DBR1: variants seen among roughly 807,000 people sequenced by gnomAD.
DBR1 encodes lariat debranching enzyme.
A neutral mutation model predicts 45.9 loss-of-function variants in DBR1; 33 were observed. That is an observed-to-expected ratio of 0.72 (90% CI 0.55 to 0.96). The LOEUF (loss-of-function observed/expected upper bound fraction) is 0.96. Ranked by LOEUF, DBR1 falls within the 40% of genes least tolerant of loss-of-function variation. The pLI, the probability that DBR1 is intolerant of heterozygous loss-of-function variation, is 0.00. For missense variants in DBR1, 619 were observed against 667.4 expected (o/e 0.93, Z 0.80); for synonymous variants, 235 against 235.9 (o/e 1.00, Z 0.04).
chr3:138,166,866 C>A (rs1364766374), intron 5 of DBR1, among the ~76,000 whole-genome samples: 1 of 152,202 alleles, frequency 6.6e-6, no homozygotes, highest in Non-Finnish European at 1.5e-5. Context: ...TGTTCCCATC[C>A]CACCACAGTC....
intron 1 of DBR1, 30 bp downstream of exon 1, chr3:138,174,569 C>CCCCCCAGT: frequency 6.4e-7 from 1 of 1,564,830 alleles, no homozygotes; most frequent in Non-Finnish European, 8.7e-7. Context: ...ACCCCCCCAC[C>CCCCCCAGT]GCCAAGTCCG....
In DBR1 at chr3:138,161,893, G is replaced by C. The variant is rs140755249; in HGVS notation, c.1631C>G (p.Ala544Gly). The part of the protein sequence containing the change: ...AAVDDDDDDA[A>G] ...AAACAAAACAAGTAAATCATCTTAA[G>C]CTGCATCGTCATCATCATCATCCAC... The change falls in exon 8 of 8, where the codon GCT becomes GGT. Residue 544 changes from alanine (A) to glycine (G), a missense_variant. Coordinates refer to ENST00000260803, the MANE Select transcript of DBR1 (RefSeq NM_016216.4). The C allele has an allele frequency of 3.1e-6, 5 of 1,607,700 alleles. No individual in the cohort carries two copies. The highest frequency in any genetic ancestry group is 4.3e-6 in the Non-Finnish European group (5 of 1,174,340).
chr3:138,166,965 G>T, intron 5 of DBR1, 116 bp downstream of exon 5: 1 of 874,548 alleles, frequency 1.1e-6, no homozygotes. Context: ...CATATATTGA[G>T]CTACTCACAA....
At chr3:138,168,929 C>T (rs1296544208) in intron 4 of DBR1, among the ~76,000 whole-genome samples, 1 of 151,782 alleles carries the variant, frequency 6.6e-6, no homozygotes, top group Non-Finnish European at 1.5e-5. Context: ...TACTACTGCA[C>T]TCCAGCCTGG....
intron 4 of DBR1, 85 bp from the exon 5 acceptor site, chr3:138,167,390 C>A (rs1052349792): frequency 6.8e-5 from 59 of 863,880 alleles, no homozygotes; most frequent in Middle Eastern, 6.9e-4. Context: ...TACCACCATA[C>A]AACCATTCAC....
At chr3:138,163,659 A>G in intron 6 of DBR1, 119 bp downstream of exon 6, 1 of 756,714 alleles carries the variant, frequency 1.3e-6, no homozygotes, top group Non-Finnish European at 1.9e-6. Flanking sequence ...GATACCCCCA[A>G]AGAATTCTCA....
At chr3:138,164,096 G>T in intron 5 of DBR1, 1 of 336,368 alleles carries the variant, frequency 3.0e-6, no homozygotes, top group Non-Finnish European at 5.5e-6. Context: ...AAAAACTAAT[G>T]ATGATGATGA....
At chr3:138,167,044 G>A (rs1209980804) in intron 5 of DBR1, 37 bp downstream of exon 5, 1 of 1,557,284 alleles carries the variant, frequency 6.4e-7, no homozygotes. Flanking sequence ...GTTCAATAGT[G>A]TGTGTTAAAT....
intron 3 of DBR1, 127 bp downstream of exon 3, chr3:138,171,506 A>AAAAAAAAAAAAAAT: frequency 2.3e-6 from 1 of 441,742 alleles, no homozygotes; most frequent in South Asian, 3.2e-5. Context: ...AAAAAGCAAA[A>AAAAAAAAAAAAAAT]TACTAAGACT....
At position 138,171,702 on chromosome 3, in the gene DBR1, C is replaced by T. The variant is rs375979874; in HGVS notation, c.334G>A (p.Val112Met). Residue 112 changes from valine to methionine, a missense_variant, in exon 3 of 8, where the codon GTG becomes ATG. By Grantham distance (21) the Val-to-Met change is conservative. Transcript: ENST00000260803. ...PNIYYLGLAG[V>M]VKYRGVRIGG... Reference sequence around the variant, plus strand: ...ATCCTTACACCTCGGTATTTTACCACACCAGCCAAACCTAAACAATACAGT... The same window carrying T: ...ATCCTTACACCTCGGTATTTTACCATACCAGCCAAACCTAAACAATACAGT... The T allele has an allele frequency of 2.5e-6, 4 of 1,612,928 alleles. No individual in the cohort carries two copies. The highest frequency in any genetic ancestry group is 3.4e-6 in the Non-Finnish European group (4 of 1,179,116).
intron 7 of DBR1, 126 bp downstream of exon 7, chr3:138,163,223 C>T: frequency 4.3e-6 from 4 of 930,036 alleles, no homozygotes; most frequent in South Asian, 4.0e-5. Flanking sequence ...TCCAAGATCA[C>T]ACCACTGCAG....
rs2042972643 is a variant in DBR1 at position 138,174,862 on chromosome 3, G to A, written c.-67C>T. On this transcript the variant is annotated 5_prime_UTR_variant, in exon 1 of 8. Transcript: ENST00000260803. The stretch of plus-strand genomic sequence containing the variant: ...CACCACAGCCAGCCCAGGACCGACT[G>A]ATCGCTCAGCTCCCGCCAACTTTAA... 2 of 1,492,598 alleles carry A rather than the reference G, an allele frequency of 1.3e-6. No individual in the cohort carries two copies. The highest frequency in any genetic ancestry group is 2.3e-4 in the Middle Eastern group (1 of 4,284). 92.5% of individuals were successfully genotyped at this position (1,492,598 alleles called of 1,614,324 possible).
intron 5 of DBR1, among the ~76,000 whole-genome samples, chr3:138,165,800 T>G (rs1392135094): frequency 2.0e-5 from 3 of 151,848 alleles, no homozygotes; most frequent in Non-Finnish European, 2.9e-5. Flanking sequence ...CAAGGAAAAG[T>G]GATCTCTGGT....
At chr3:138,168,962 C>CA (rs542327826) in intron 4 of DBR1, among the ~76,000 whole-genome samples, 159 of 133,374 alleles carry the variant, frequency 1.2e-3, no homozygotes, top group South Asian at 3.4e-3. Flanking sequence ...GACCTTGTCT[C>CA]AAAAAAAAAA....
At position 138,174,730 on chromosome 3, in the gene DBR1, C is replaced by T. The variant is rs1228089264; in HGVS notation, c.66G>A (p.Leu22=). The T allele has an allele frequency of 6.2e-7, 1 of 1,612,744 alleles. No homozygotes were observed. Among genetic ancestry groups the T allele is most frequent in the Non-Finnish European group, 8.5e-7 (1 of 1,179,692 alleles). The change falls in exon 1 of 8, where the codon CTG becomes CTA. Residue 22 remains leucine (L), a synonymous_variant. Coordinates refer to ENST00000260803, the MANE Select transcript of DBR1 (RefSeq NM_016216.4). ...ELDKIYETLA[L]AERRGPGPVD... ...CAGGCCCCGGGCCGCGCCGCTCTGC[C>T]AGCGCCAGCGTCTCATAGATCTTAT...
In DBR1 at chr3:138,174,717, C is replaced by T. The variant is rs140271970; in HGVS notation, c.79G>A (p.Gly27Ser). Reference protein sequence around the residue: ...YETLALAERRGPGPVDLLLCC... With the variant: ...YETLALAERRSPGPVDLLLCC... ...AGCAAGAGGTCGACAGGCCCCGGGC[C>T]GCGCCGCTCTGCCAGCGCCAGCGTC... The change falls in exon 1 of 8, where the codon GGC becomes AGC. Residue 27 changes from glycine (G) to serine (S), a missense_variant. Around this residue, in one of 3 missense-constraint regions of DBR1, gnomAD observed 430 missense variants for 447.7 expected, o/e 0.96. Transcript: ENST00000260803. 769 of 1,612,738 alleles carry T rather than the reference C, an allele frequency of 4.8e-4. No homozygotes were observed. Among genetic ancestry groups the T allele is most frequent in the Admixed American group, 9.3e-4 (56 of 59,922 alleles).
Position 138,167,222 on chromosome 3 carries a change from C to T in DBR1, c.573G>A (p.Lys191=), listed in dbSNP as rs1353009474. 6.2e-7 allele frequency: 1 copy of T among 1,613,812 alleles called. No homozygotes were observed. Among genetic ancestry groups the T allele is most frequent in the Admixed American group, 1.7e-5 (1 of 59,948 alleles). Residue 191 remains lysine, a synonymous_variant, in exon 5 of 8, where the codon AAG becomes AAA. Coordinates refer to ENST00000260803, the MANE Select transcript of DBR1 (RefSeq NM_016216.4). ...YHYGNKKQLL[K]TKSFFRQEVE... ...CTTCTTGTCGGAAAAAAGATTTAGT[C>T]TTAAGAAGTTGCTTCTTATTTCCAT... is the stretch of plus-strand genomic sequence containing the variant.
Position 138,174,676 on chromosome 3 carries a change from G to T in DBR1, c.120C>A (p.Phe40Leu). The T allele has an allele frequency of 6.2e-7, 1 of 1,612,834 alleles. No individual in the cohort carries two copies. Among genetic ancestry groups the T allele is most frequent in the Non-Finnish European group, 8.5e-7 (1 of 1,179,600 alleles). ...GATCCGCCTCGTTGCGCACCGCCTGGAAGTCGCCGCAGCACAGCAAGAGGT... is the reference window on the plus strand; with the variant it reads ...GATCCGCCTCGTTGCGCACCGCCTGTAAGTCGCCGCAGCACAGCAAGAGGT... Reference protein sequence around the residue: ...PVDLLLCCGDFQAVRNEADLR... With the variant: ...PVDLLLCCGDLQAVRNEADLR... The change falls in exon 1 of 8, where the codon TTC becomes TTA. Residue 40 changes from phenylalanine (F) to leucine (L), a missense_variant. Coordinates refer to ENST00000260803, the MANE Select transcript of DBR1 (RefSeq NM_016216.4).
At chr3:138,171,475 CAAAAAAAAAAAAAAA>C in intron 3 of DBR1, 143 bp downstream of exon 3, 4 of 66,286 alleles carry the variant, frequency 6.0e-5, no homozygotes, top group Non-Finnish European at 1.1e-4. Context: ...AACTCTGTCT[CAAAAAAAAAAAAAAA>C]AAAAAAAAAA....
Sources: gnomAD v4.1 joint callset for allele counts (sites outside exome capture counted in the v4.1 genomes callset) on GRCh38, gnomAD v4.1.1 for gene constraint, gnomAD v4.1.1 regional missense constraint, MANE v1.5 for transcripts, NCBI Gene and HGNC (gene_info 2026-07-23, HGNC 2026-07-21) for gene names.